The following EBF1 variants were observed in gnomAD, a reference collection of about 807,000 sequenced individuals.
EBF1 encodes the protein EBF transcription factor 1.
A neutral mutation model predicts 68.4 loss-of-function variants in EBF1; 10 were observed. The ratio of observed to expected loss-of-function variants is 0.15; its 90% CI spans 0.09 to 0.25. The LOEUF (loss-of-function observed/expected upper bound fraction) is 0.25. Among genes scored for constraint, EBF1 ranks in the 10% least tolerant of loss-of-function variants. The pLI is 1.00. For synonymous variants in EBF1, 298 were observed against 299.8 expected, an observed-to-expected ratio of 0.99 and a Z score of 0.06; for missense variants, 509 against 794.4, an observed-to-expected ratio of 0.64 and a Z score of 4.32.
intron 10 of EBF1, among the ~76,000 whole-genome samples, chr5:158,743,630 G>A (rs1228327205): frequency 6.6e-6 from 1 of 152,174 alleles, no homozygotes; most frequent in Non-Finnish European, 1.5e-5. Context: ...GGAAAAAGTA[G>A]ATTTCAGAGA....
rs764549225 is a variant in EBF1, at chr5:158,969,896, GA to G, written c.554+103499del. ...AGAAAGAAAGAAAGAAAGAAAGAAA[GA>G]AAGAAAGAAAGAAAGAAAGAAAAAA... On this transcript the variant is annotated intron_variant, in intron 6 of 15. Transcript: ENST00000313708. Among the ~76,000 whole-genome samples, 328 of 100,034 alleles carry G rather than the reference GA, an allele frequency of 3.3e-3. 5 individuals carry two copies. Among genetic ancestry groups the G allele is most frequent in the Middle Eastern group, 0.018 (4 of 224 alleles). 65.6% of individuals were successfully genotyped at this position (100,034 alleles called of 152,430 possible).
At chr5:158,863,980 C>T (rs192608066) in intron 6 of EBF1, among the ~76,000 whole-genome samples, 8 of 150,934 alleles carry the variant, frequency 5.3e-5, no homozygotes, top group South Asian at 2.1e-4. Flanking sequence ...GCCTATAATT[C>T]CAGCATTTTG....
rs144022569 is a variant in EBF1, at chr5:158,890,613, G to A, written c.555-50503C>T. 6.3e-4 allele frequency among the ~76,000 whole-genome samples: 96 copies of A among 152,312 alleles called. 1 individual carries two copies. In the East Asian group the frequency reaches 0.016, roughly 25 times the overall value. ...TTAGAGTAATTTCCTCCAGGTTACTGTATATTCAATACTTCTATTTATACT... is the reference window on the plus strand; with the variant it reads ...TTAGAGTAATTTCCTCCAGGTTACTATATATTCAATACTTCTATTTATACT... On this transcript the variant is annotated intron_variant, in intron 6 of 15. Coordinates refer to ENST00000313708, the MANE Select transcript of EBF1 (RefSeq NM_024007.5).
intron 6 of EBF1, among the ~76,000 whole-genome samples, chr5:158,852,623 T>C (rs1210472111): frequency 6.6e-6 from 1 of 152,216 alleles, no homozygotes; most frequent in Non-Finnish European, 1.5e-5. Context: ...TAGTCTATAT[T>C]ATAGACGATC....
At chr5:158,873,118 C>T (rs10866709) in intron 6 of EBF1, among the ~76,000 whole-genome samples, 49,136 of 148,420 alleles carry the variant, frequency 0.33, 8,764 homozygotes, top group South Asian at 0.59. Context: ...TCAACTCTGA[C>T]TTACTATAGT....
intron 6 of EBF1, among the ~76,000 whole-genome samples, chr5:158,916,682 A>G (rs972265153): frequency 6.6e-6 from 1 of 152,200 alleles, no homozygotes; most frequent in Non-Finnish European, 1.5e-5. Context: ...TTAACCTAAT[A>G]TGTACTCTGG....
chr5:158,714,279 C>T (rs935640123), intron 11 of EBF1, 97 bp from the exon 12 acceptor site: 7 of 1,396,834 alleles, frequency 5.0e-6, no homozygotes, highest in Non-Finnish European at 3.0e-6. Context: ...CATACTTTGC[C>T]AAGGCACTGC....
intron 6 of EBF1, among the ~76,000 whole-genome samples, chr5:159,065,510 A>T (rs571000064): frequency 6.6e-6 from 1 of 152,326 alleles, no homozygotes; most frequent in Non-Finnish European, 1.5e-5. Flanking sequence ...AGCCTTGAAG[A>T]TGTCATGTCC....
intron 6 of EBF1, among the ~76,000 whole-genome samples, chr5:158,895,757 G>A (rs1317534422): frequency 6.6e-6 from 1 of 152,202 alleles, no homozygotes; most frequent in Non-Finnish European, 1.5e-5. Context: ...CCTTGAGGCA[G>A]AAGTGGAAAC....
intron 6 of EBF1, among the ~76,000 whole-genome samples, chr5:158,895,958 G>A (rs1211085399): frequency 6.6e-6 from 1 of 152,112 alleles, no homozygotes. Context: ...GCAAAGAAGA[G>A]GAGTGGTTAA....
chr5:158,831,663 T>C (rs1787598658), intron 7 of EBF1, among the ~76,000 whole-genome samples: 1 of 152,108 alleles, frequency 6.6e-6, no homozygotes, highest in African/African-American at 2.4e-5. Context: ...AAAGAGGAAA[T>C]TTTATTTTTT....
intron 7 of EBF1, among the ~76,000 whole-genome samples, chr5:158,823,700 T>C (rs982046512): frequency 2.0e-5 from 3 of 152,220 alleles, no homozygotes; most frequent in African/African-American, 7.2e-5. Flanking sequence ...TAAAAATCTT[T>C]TGAATCTTTA....
chr5:158,944,681 A>G (rs1018594146), intron 6 of EBF1, among the ~76,000 whole-genome samples: 3 of 152,194 alleles, frequency 2.0e-5, no homozygotes, highest in Non-Finnish European at 2.9e-5. Flanking sequence ...TTACATTCCC[A>G]CCAACAGTGT....
intron 8 of EBF1, among the ~76,000 whole-genome samples, chr5:158,796,987 T>C (rs1779715037): frequency 6.6e-6 from 1 of 152,148 alleles, no homozygotes; most frequent in South Asian, 2.1e-4. Flanking sequence ...TTGCAACATG[T>C]CTCATTAAAA....
intron 6 of EBF1, among the ~76,000 whole-genome samples, chr5:159,053,587 T>C (rs1337124686): frequency 6.2e-5 from 9 of 144,144 alleles, no homozygotes; most frequent in Non-Finnish European, 1.3e-4. Flanking sequence ...AACCCCTCTC[T>C]CCCTCTCTCT....
intron 6 of EBF1, among the ~76,000 whole-genome samples, chr5:158,988,533 T>C (rs1759605206): frequency 6.6e-6 from 1 of 152,178 alleles, no homozygotes; most frequent in African/African-American, 2.4e-5. Context: ...TTGCTTAAGT[T>C]GTCAAGAGTC....
At chr5:159,080,597 G>A (rs1480447945) in intron 5 of EBF1, among the ~76,000 whole-genome samples, 1 of 152,148 alleles carries the variant, frequency 6.6e-6, no homozygotes, top group Non-Finnish European at 1.5e-5. Flanking sequence ...CAAGTACTTA[G>A]CCCCACACTG....
At chr5:158,981,098 T>C (rs1007179665) in intron 6 of EBF1, among the ~76,000 whole-genome samples, 4 of 152,052 alleles carry the variant, frequency 2.6e-5, no homozygotes, top group African/African-American at 9.7e-5. Flanking sequence ...TTCTCATTTG[T>C]TACACCAATA....
chr5:158,837,638 G>C (rs1789113984), intron 7 of EBF1, among the ~76,000 whole-genome samples: 1 of 152,116 alleles, frequency 6.6e-6, no homozygotes, highest in Admixed American at 6.6e-5. Context: ...AAAAATAATA[G>C]ACTAAATTGG....
Sources: gnomAD v4.1 joint callset for allele counts (sites outside exome capture counted in the v4.1 genomes callset) on GRCh38, gnomAD v4.1.1 for gene constraint, MANE v1.5 for transcripts, NCBI Gene and HGNC (gene_info 2026-07-23, HGNC 2026-07-21) for gene names.